Variants in CA10 observed in about 807,000 individuals in gnomAD.
The protein encoded by CA10 is carbonic anhydrase-related protein 10.
In CA10, 14 loss-of-function variants were observed where a neutral mutation model predicts 44.2. That is an observed-to-expected ratio of 0.32 (90% CI 0.21 to 0.50). The LOEUF is 0.50. CA10 is among the 20% of genes least tolerant of loss of function. CA10 has a pLI of 0.99. For missense variants in CA10, 350 were observed against 409.7 expected (o/e 0.85, Z 1.26); for synonymous variants, 159 against 141.6 (o/e 1.12, Z -0.87).
intron 3 of CA10, among the ~76,000 whole-genome samples, chr17:51,788,644 A>G (rs1384197367): frequency 2.6e-5 from 4 of 152,226 alleles, no homozygotes; most frequent in Admixed American, 1.3e-4. Flanking sequence ...TTTAAAAAAC[A>G]AACAAACCTA....
intron 2 of CA10, among the ~76,000 whole-genome samples, chr17:52,025,993 T>G (rs1419252051): frequency 6.6e-6 from 1 of 152,030 alleles, no homozygotes; most frequent in African/African-American, 2.4e-5. Flanking sequence ...ATATTACATA[T>G]AAATATATAT....
chr17:51,924,838 A>G (rs545652950), intron 3 of CA10, among the ~76,000 whole-genome samples: 2 of 152,266 alleles, frequency 1.3e-5, no homozygotes, highest in East Asian at 3.9e-4. Flanking sequence ...ATGACTCAAC[A>G]TGTTCCATGT....
chr17:52,058,247 A>T (rs989227), intron 2 of CA10, among the ~76,000 whole-genome samples: 1 of 152,146 alleles, frequency 6.6e-6, no homozygotes, highest in Non-Finnish European at 1.5e-5. Flanking sequence ...TTGCTTTTAT[A>T]CAACTTTAAA....
chr17:52,041,053 C>T (rs1022476353), intron 2 of CA10, among the ~76,000 whole-genome samples: 1 of 151,922 alleles, frequency 6.6e-6, no homozygotes, highest in South Asian at 2.1e-4. Context: ...GGTAGAGGAG[C>T]TAAATTAGCC....
At chr17:51,827,523 ATC>A (rs1170229271) in intron 3 of CA10, among the ~76,000 whole-genome samples, 1 of 152,228 alleles carries the variant, frequency 6.6e-6, no homozygotes, top group African/African-American at 2.4e-5. Flanking sequence ...TGGAAAGAAA[ATC>A]TCACAGAACT....
chr17:51,829,973 C>G (rs1477441263), intron 3 of CA10, among the ~76,000 whole-genome samples: 1 of 152,012 alleles, frequency 6.6e-6, no homozygotes, highest in East Asian at 1.9e-4. Context: ...CTGAGGTAGG[C>G]AGATCACGAG....
chr17:51,924,602 G>A (rs895025534), intron 3 of CA10, among the ~76,000 whole-genome samples: 2 of 152,152 alleles, frequency 1.3e-5, no homozygotes, highest in Non-Finnish European at 1.5e-5. Context: ...AGCTCCTTTG[G>A]CTTCTGCCTT....
chr17:52,131,810 C>T (rs1033070876), intron 1 of CA10, among the ~76,000 whole-genome samples: 4 of 152,084 alleles, frequency 2.6e-5, no homozygotes, highest in Non-Finnish European at 5.9e-5. Flanking sequence ...CACATATACA[C>T]CATGAAATAC....
At chr17:51,937,123 G>A (rs981659614) in intron 2 of CA10, among the ~76,000 whole-genome samples, 2 of 152,084 alleles carry the variant, frequency 1.3e-5, no homozygotes, top group Non-Finnish European at 2.9e-5. Flanking sequence ...TGAAAGTTGG[G>A]AAAATGAACG....
At chr17:51,978,314 A>G (rs1984530004) in intron 2 of CA10, among the ~76,000 whole-genome samples, 1 of 152,058 alleles carries the variant, frequency 6.6e-6, no homozygotes, top group African/African-American at 2.4e-5. Context: ...CAAATAGATC[A>G]ATGGAACAGA....
chr17:52,035,236 A>G (rs1385733976), intron 2 of CA10, among the ~76,000 whole-genome samples: 4 of 152,120 alleles, frequency 2.6e-5, no homozygotes, highest in African/African-American at 9.7e-5. Flanking sequence ...AGAGAGGAGG[A>G]GCAGCTGGAT....
intron 4 of CA10, among the ~76,000 whole-genome samples, chr17:51,734,845 C>T (rs1043660153): frequency 7.2e-5 from 11 of 151,834 alleles, no homozygotes; most frequent in Admixed American, 3.9e-4. Flanking sequence ...TATTTTTCAC[C>T]GTTCTGGAGG....
At chr17:51,798,711 CT>C (rs938844582) in intron 3 of CA10, among the ~76,000 whole-genome samples, 2 of 152,078 alleles carry the variant, frequency 1.3e-5, no homozygotes, top group Admixed American at 6.5e-5. Context: ...CCCAAAAGGC[CT>C]CAAGGAAAAG....
intron 3 of CA10, among the ~76,000 whole-genome samples, chr17:51,750,921 T>C (rs1311507105): frequency 6.6e-6 from 1 of 152,228 alleles, no homozygotes; most frequent in Non-Finnish European, 1.5e-5. Context: ...CTACATTTTA[T>C]GCTTGTGTGA....
At chr17:51,979,198 C>G (rs903138207) in intron 2 of CA10, among the ~76,000 whole-genome samples, 3 of 152,074 alleles carry the variant, frequency 2.0e-5, no homozygotes, top group Non-Finnish European at 4.4e-5. Flanking sequence ...GTATTTCCTC[C>G]CCCACTTATG....
chr17:52,017,662 G>A (rs1425107041), intron 2 of CA10, among the ~76,000 whole-genome samples: 1 of 152,124 alleles, frequency 6.6e-6, no homozygotes, highest in Admixed American at 6.6e-5. Flanking sequence ...ACTGCAGGGT[G>A]TAAAAATCTG....
intron 4 of CA10, among the ~76,000 whole-genome samples, chr17:51,684,655 T>C (rs1326693723): frequency 6.6e-6 from 1 of 152,194 alleles, no homozygotes; most frequent in Non-Finnish European, 1.5e-5. Flanking sequence ...TAAAGCTTAA[T>C]GGTTCTCTTT....
chr17:51,851,147 T>A (rs1450109376), intron 3 of CA10, among the ~76,000 whole-genome samples: 1 of 152,240 alleles, frequency 6.6e-6, no homozygotes, highest in Non-Finnish European at 1.5e-5. Flanking sequence ...CTGTCACTTA[T>A]TAGCTATGTG....
chr17:51,740,678 C>G (rs1475839861), intron 4 of CA10, among the ~76,000 whole-genome samples: 2 of 152,200 alleles, frequency 1.3e-5, no homozygotes, highest in African/African-American at 4.8e-5. Context: ...ACCTCTCCGA[C>G]CTCCTTCCCC....
Sources: gnomAD v4.1 joint callset for allele counts (sites outside exome capture counted in the v4.1 genomes callset) on GRCh38, gnomAD v4.1.1 for gene constraint, MANE v1.5 for transcripts, NCBI Gene and HGNC (gene_info 2026-07-23, HGNC 2026-07-21) for gene names.